CSMD1: variants seen among roughly 807,000 people sequenced by gnomAD.
CSMD1 encodes CUB and Sushi multiple domains 1, also known as CUB and sushi domain-containing protein 1.
Under a neutral mutation model 417.5 loss-of-function variants are expected in CSMD1, and 213 were observed. That is an observed-to-expected ratio of 0.51 (90% CI 0.46 to 0.57). The LOEUF is 0.57. Ranked by LOEUF, CSMD1 falls within the 20% of genes least tolerant of loss-of-function variation. The pLI, the probability that CSMD1 is intolerant of heterozygous loss-of-function variation, is 0.00. For synonymous variants in CSMD1, 2,862 were observed against 1,736.8 expected (o/e 1.65, Z -16.11); for missense variants, 6,923 against 4,529.7 (o/e 1.53, Z -15.17).
chr8:3,997,363 C>A (rs1272293072), intron 5 of CSMD1, among the ~76,000 whole-genome samples: 3 of 152,212 alleles, frequency 2.0e-5, no homozygotes, highest in East Asian at 1.9e-4. Context: ...GAACTGACCA[C>A]CCTGCGGTTA....
chr8:3,639,384 G>C (rs564634088), intron 7 of CSMD1, among the ~76,000 whole-genome samples: 3 of 152,232 alleles, frequency 2.0e-5, no homozygotes, highest in African/African-American at 4.8e-5. Context: ...AATGAGTGAG[G>C]GTTCATCAAA....
intron 3 of CSMD1, among the ~76,000 whole-genome samples, chr8:4,388,904 G>C (rs187860715): frequency 2.0e-5 from 3 of 152,122 alleles, no homozygotes; most frequent in East Asian, 3.9e-4. Flanking sequence ...CTCTCATCCA[G>C]CTATTTGTTC....
intron 3 of CSMD1, among the ~76,000 whole-genome samples, chr8:4,335,927 C>T (rs545843036): frequency 2.6e-5 from 4 of 151,992 alleles, no homozygotes; most frequent in Non-Finnish European, 5.9e-5. Context: ...AGTGAGGGAG[C>T]CCCATATTGG....
At chr8:4,583,529 C>A (rs1187243629) in intron 2 of CSMD1, among the ~76,000 whole-genome samples, 1 of 152,092 alleles carries the variant, frequency 6.6e-6, no homozygotes, top group Admixed American at 6.5e-5. Context: ...CACTCTGTAT[C>A]TTGCTCAAGG....
intron 1 of CSMD1, among the ~76,000 whole-genome samples, chr8:4,739,888 T>C (rs1810491311): frequency 6.6e-6 from 1 of 152,136 alleles, no homozygotes; most frequent in South Asian, 2.1e-4. Context: ...AAACTCAGCA[T>C]TGACAGCCGT....
chr8:3,701,198 C>T (rs769208903), intron 7 of CSMD1, among the ~76,000 whole-genome samples: 5 of 152,010 alleles, frequency 3.3e-5, no homozygotes, highest in African/African-American at 4.8e-5. Context: ...AGTTCTGGCC[C>T]GTAGAAGAGA....
intron 50 of CSMD1, among the ~76,000 whole-genome samples, chr8:3,051,217 A>T (rs1181177641): frequency 6.6e-6 from 1 of 152,230 alleles, no homozygotes; most frequent in African/African-American, 2.4e-5. Context: ...TCAGTGGTAG[A>T]CTGCATACAG....
intron 8 of CSMD1, among the ~76,000 whole-genome samples, chr8:3,595,910 G>A (rs1010544608): frequency 6.6e-6 from 1 of 152,128 alleles, no homozygotes; most frequent in African/African-American, 2.4e-5. Context: ...TCATGGCTTG[G>A]GAAGGAGCTT....
chr8:4,021,009 A>G (rs190795803), intron 4 of CSMD1, among the ~76,000 whole-genome samples: 1 of 152,292 alleles, frequency 6.6e-6, no homozygotes, highest in East Asian at 1.9e-4. Flanking sequence ...AACTGCATCT[A>G]TTTATTAAAC....
chr8:4,072,809 G>C (rs1047833045), intron 3 of CSMD1, among the ~76,000 whole-genome samples: 1 of 152,118 alleles, frequency 6.6e-6, no homozygotes, highest in African/African-American at 2.4e-5. Flanking sequence ...AAGCTCATAG[G>C]TTTCAAGGCA....
rs368653091 is a variant in CSMD1, at chr8:3,493,724, G to C, written c.1347C>G (p.Val449=). 23 of 1,608,354 alleles carry C rather than the reference G, an allele frequency of 1.4e-5. No homozygotes were observed. The African/African-American group carries it at 2.3e-4, about 16-fold the overall frequency. ...WVITTTDPDK[V]IKLAFEEFEL... The stretch of plus-strand genomic sequence containing the variant: ...CAAACTCTTCAAAGGCAAGCTTGAT[G>C]ACCTAAATACAAGGTACGAAACAGT... Residue 449 remains valine, a splice_region_variant and synonymous_variant, in exon 11 of 70, where the codon GTC becomes GTG. Coordinates refer to ENST00000635120, the MANE Select transcript of CSMD1 (RefSeq NM_033225.6).
chr8:3,171,635 C>G (rs558669049), intron 37 of CSMD1, among the ~76,000 whole-genome samples: 23 of 152,188 alleles, frequency 1.5e-4, no homozygotes, highest in African/African-American at 4.6e-4. Flanking sequence ...ACATCCAAGA[C>G]ATAAATTTGG....
chr8:4,437,742 G>C (rs1041500763), intron 2 of CSMD1, among the ~76,000 whole-genome samples: 2 of 152,096 alleles, frequency 1.3e-5, no homozygotes, highest in African/African-American at 4.8e-5. Context: ...CTGCCAATGA[G>C]TTCCATGTTT....
intron 3 of CSMD1, among the ~76,000 whole-genome samples, chr8:4,269,156 A>C (rs1414830917): frequency 6.6e-6 from 1 of 152,142 alleles, no homozygotes; most frequent in East Asian, 1.9e-4. Flanking sequence ...TCCTGGGTTT[A>C]AACCATGGTC....
chr8:4,309,596 T>C (rs1449552256), intron 3 of CSMD1, among the ~76,000 whole-genome samples: 4 of 152,100 alleles, frequency 2.6e-5, no homozygotes, highest in South Asian at 4.1e-4. Context: ...AATTCCCTAA[T>C]AGCACTCCCA....
intron 1 of CSMD1, among the ~76,000 whole-genome samples, chr8:4,812,080 T>C (rs1250918715): frequency 6.6e-6 from 1 of 152,192 alleles, no homozygotes; most frequent in Non-Finnish European, 1.5e-5. Context: ...TTTGACATCA[T>C]CGAAAATTCC....
intron 3 of CSMD1, among the ~76,000 whole-genome samples, chr8:4,365,074 G>C (rs1381644895): frequency 6.6e-6 from 1 of 152,110 alleles, no homozygotes; most frequent in Non-Finnish European, 1.5e-5. Flanking sequence ...TTCATCAGTT[G>C]TAATGGCAAG....
intron 3 of CSMD1, among the ~76,000 whole-genome samples, chr8:4,412,739 G>A (rs904407477): frequency 1.3e-5 from 2 of 152,088 alleles, no homozygotes; most frequent in African/African-American, 4.8e-5. Context: ...ATAAATTACA[G>A]CTTATAGGAA....
intron 3 of CSMD1, among the ~76,000 whole-genome samples, chr8:4,101,900 C>G (rs371983229): frequency 6.6e-6 from 1 of 152,156 alleles, no homozygotes; most frequent in African/African-American, 2.4e-5. Context: ...ACTATCTCTC[C>G]TAATAATGTA....
Sources: gnomAD v4.1 joint callset for allele counts (sites outside exome capture counted in the v4.1 genomes callset) on GRCh38, gnomAD v4.1.1 for gene constraint, MANE v1.5 for transcripts, NCBI Gene and HGNC (gene_info 2026-07-23, HGNC 2026-07-21) for gene names.